Variants in PCDH17 observed in about 807,000 individuals in gnomAD.
PCDH17 encodes protocadherin 17.
PCDH17 carries 21 observed loss-of-function variants against 67.7 expected under a neutral mutation model. That is an observed-to-expected ratio of 0.31 (90% CI 0.22 to 0.45). The LOEUF (loss-of-function observed/expected upper bound fraction) is 0.45, where lower values mean the gene tolerates loss of function less well. PCDH17 is among the 20% of genes least tolerant of loss of function. PCDH17 has a pLI of 1.00. For missense variants in PCDH17, 1,471 were observed against 1,564.8 expected (o/e 0.94, Z 1.01); for synonymous variants, 701 against 656.7 (o/e 1.07, Z -1.03).
In PCDH17 at chr13:57,632,140, A is replaced by C; in HGVS notation, c.-407A>C. 1 of 241,830 alleles carries C rather than the reference A, an allele frequency of 4.1e-6. No homozygotes were observed. The allele number at this position is 241,830 out of a possible 1,614,324, so 15.0% of individuals were successfully genotyped here. On this transcript the variant is annotated 5_prime_UTR_variant, in exon 1 of 4. Coordinates refer to ENST00000377918, the MANE Select transcript of PCDH17 (RefSeq NM_001040429.3). Reference sequence around the variant, plus strand: ...TGCAGCACCCTAGCGGGAGCGAGGAAAACCTACTGATTCTTTAGCTCATTA... The same window carrying C: ...TGCAGCACCCTAGCGGGAGCGAGGACAACCTACTGATTCTTTAGCTCATTA...
At chr13:57,651,779 A>C (rs1210464996) in intron 1 of PCDH17, among the ~76,000 whole-genome samples, 1 of 152,206 alleles carries the variant, frequency 6.6e-6, no homozygotes, top group Non-Finnish European at 1.5e-5. Flanking sequence ...TAAGAATTAA[A>C]GATAAAATGT....
At chr13:57,685,483 G>A (rs898788397) in intron 3 of PCDH17, among the ~76,000 whole-genome samples, 2 of 151,922 alleles carry the variant, frequency 1.3e-5, no homozygotes, top group Non-Finnish European at 2.9e-5. Flanking sequence ...ATCTCTTAAA[G>A]CTTACTTTCC....
At chr13:57,676,514 G>A (rs1349757383) in intron 3 of PCDH17, among the ~76,000 whole-genome samples, 1 of 151,824 alleles carries the variant, frequency 6.6e-6, no homozygotes, top group Non-Finnish European at 1.5e-5. Context: ...AATCAGAGAG[G>A]TCAGGAGGTA....
intron 1 of PCDH17, among the ~76,000 whole-genome samples, chr13:57,646,653 C>A (rs1954969883): frequency 6.6e-6 from 1 of 151,642 alleles, no homozygotes; most frequent in South Asian, 2.1e-4. Flanking sequence ...TAGAAAGAAG[C>A]ATAGAAATGT....
At chr13:57,650,993 C>G (rs1955030272) in intron 1 of PCDH17, among the ~76,000 whole-genome samples, 1 of 152,096 alleles carries the variant, frequency 6.6e-6, no homozygotes, top group South Asian at 2.1e-4. Context: ...TTCCGCTAGT[C>G]CCCACTGGAA....
intron 1 of PCDH17, among the ~76,000 whole-genome samples, chr13:57,641,688 G>A (rs1655799749): frequency 7.1e-6 from 1 of 139,966 alleles, no homozygotes; most frequent in African/African-American, 2.6e-5. Context: ...TGTAGGCCTT[G>A]CCCTGGATCT....
chr13:57,684,552 C>G (rs1329153218), intron 3 of PCDH17, among the ~76,000 whole-genome samples: 1 of 151,864 alleles, frequency 6.6e-6, no homozygotes, highest in Non-Finnish European at 1.5e-5. Flanking sequence ...TTCACATAGA[C>G]TTGTTAGCAC....
chr13:57,711,089 TA>T (rs560927428), intron 3 of PCDH17, among the ~76,000 whole-genome samples: 50 of 152,134 alleles, frequency 3.3e-4, no homozygotes, highest in African/African-American at 1.2e-3. Flanking sequence ...AAAAGTGTTA[TA>T]TTTTTTTCAT....
intron 1 of PCDH17, among the ~76,000 whole-genome samples, chr13:57,653,010 G>C (rs1462385310): frequency 1.3e-5 from 2 of 151,990 alleles, no homozygotes; most frequent in African/African-American, 4.8e-5. Flanking sequence ...ATTGCCACAG[G>C]GTCTTTCAAA....
At chr13:57,678,144 C>CATATATAT (rs10627550) in intron 3 of PCDH17, among the ~76,000 whole-genome samples, 1 of 147,476 alleles carries the variant, frequency 6.8e-6, no homozygotes, top group African/African-American at 2.5e-5. Flanking sequence ...TCTCTATCTC[C>CATATATAT]ATATATATAT....
At chr13:57,662,165 C>T (rs1955191984) in intron 1 of PCDH17, among the ~76,000 whole-genome samples, 1 of 152,134 alleles carries the variant, frequency 6.6e-6, no homozygotes, top group Non-Finnish European at 1.5e-5. Context: ...CCATACTGGG[C>T]CCAACAGTAA....
chr13:57,683,215 T>C (rs1459533076), intron 3 of PCDH17, among the ~76,000 whole-genome samples: 7 of 151,794 alleles, frequency 4.6e-5, no homozygotes, highest in Non-Finnish European at 1.5e-5. Flanking sequence ...ATTTGGAGAA[T>C]AAAGGCCTTA....
intron 3 of PCDH17, among the ~76,000 whole-genome samples, chr13:57,672,851 G>A (rs1954028947): frequency 6.6e-6 from 1 of 151,922 alleles, no homozygotes; most frequent in African/African-American, 2.4e-5. Context: ...GGGTCGAGAT[G>A]CTTATTCCTG....
chr13:57,660,922 G>T (rs1292165053), intron 1 of PCDH17, among the ~76,000 whole-genome samples: 1 of 152,136 alleles, frequency 6.6e-6, no homozygotes, highest in African/African-American at 2.4e-5. Flanking sequence ...ATGATGGTCT[G>T]TCTGTTCACC....
intron 3 of PCDH17, among the ~76,000 whole-genome samples, chr13:57,722,329 A>G: frequency 6.6e-6 from 1 of 152,216 alleles, no homozygotes; most frequent in Non-Finnish European, 1.5e-5. Flanking sequence ...CTACATTAGC[A>G]TATTTCAAAG....
chr13:57,703,677 C>T (rs1344614462), intron 3 of PCDH17, among the ~76,000 whole-genome samples: 2 of 152,076 alleles, frequency 1.3e-5, no homozygotes, highest in African/African-American at 2.4e-5. Flanking sequence ...TAATTGGGTA[C>T]TATGCATTTA....
At chr13:57,630,867 C>G (rs138099460), upstream of PCDH17, among the ~76,000 whole-genome samples, 1 of 152,202 alleles carries the variant, frequency 6.6e-6, no homozygotes, top group African/African-American at 2.4e-5. Flanking sequence ...TCCGGCAGAT[C>G]GGAACACCTG....
chr13:57,698,441 T>C (rs1955631632), intron 3 of PCDH17, among the ~76,000 whole-genome samples: 1 of 151,838 alleles, frequency 6.6e-6, no homozygotes, highest in South Asian at 2.1e-4. Context: ...AGGACTTAAA[T>C]ATAGGTTTTC....
intron 1 of PCDH17, among the ~76,000 whole-genome samples, chr13:57,664,534 A>G (rs1310054584): frequency 6.6e-6 from 1 of 152,218 alleles, no homozygotes; most frequent in Non-Finnish European, 1.5e-5. Flanking sequence ...CTAAACGAAT[A>G]GGGATCCACA....
Sources: gnomAD v4.1 joint callset for allele counts (sites outside exome capture counted in the v4.1 genomes callset) on GRCh38, gnomAD v4.1.1 for gene constraint, MANE v1.5 for transcripts, NCBI Gene and HGNC (gene_info 2026-07-23, HGNC 2026-07-21) for gene names.